ARHGAP10: variants seen among roughly 807,000 people sequenced by gnomAD.
ARHGAP10 encodes the protein Rho GTPase activating protein 10, also known as rho GTPase-activating protein 10.
ARHGAP10 carries 87 observed loss-of-function variants against 108.6 expected under a neutral mutation model. The observed-to-expected ratio is 0.80, with a 90% CI of 0.67 to 0.96. ARHGAP10 has a LOEUF of 0.96. Ranked by LOEUF, ARHGAP10 falls within the 40% of genes least tolerant of loss-of-function variation. The pLI is 0.00. For synonymous variants in ARHGAP10, 347 were observed against 341.1 expected, an observed-to-expected ratio of 1.02 and a Z score of -0.19; for missense variants, 939 against 954.5, an observed-to-expected ratio of 0.98 and a Z score of 0.21.
At chr4:148,025,850 G>A (rs1741745706) in intron 19 of ARHGAP10, among the ~76,000 whole-genome samples, 1 of 151,960 alleles carries the variant, frequency 6.6e-6, no homozygotes, top group Admixed American at 6.5e-5. Context: ...GACTTCCCAT[G>A]TTAATCTAGT....
chr4:147,962,924 G>A (rs1032746035), intron 16 of ARHGAP10, among the ~76,000 whole-genome samples: 2 of 152,118 alleles, frequency 1.3e-5, no homozygotes, highest in African/African-American at 4.8e-5. Flanking sequence ...GCCTCCCAAA[G>A]TGCTGGGATT....
At chr4:148,068,704 A>C (rs1730013784) in intron 22 of ARHGAP10, among the ~76,000 whole-genome samples, 1 of 152,232 alleles carries the variant, frequency 6.6e-6, no homozygotes, top group African/African-American at 2.4e-5. Flanking sequence ...GGGAGATAGG[A>C]CAGAGCCCAG....
intron 12 of ARHGAP10, among the ~76,000 whole-genome samples, chr4:147,912,010 TGTGTGTGTGTG>T (rs1736762918): frequency 6.8e-6 from 1 of 147,842 alleles, no homozygotes; most frequent in Non-Finnish European, 1.5e-5. Context: ...TGTGTGTGTG[TGTGTGTGTGTG>T]TGTGTGTGTG....
intron 3 of ARHGAP10, among the ~76,000 whole-genome samples, chr4:147,829,441 G>A (rs1373568605): frequency 2.6e-5 from 4 of 151,942 alleles, no homozygotes; most frequent in South Asian, 2.1e-4. Context: ...CACCCGCCTC[G>A]ATCTCTGAAA....
At chr4:148,068,099 G>A (rs1729979291) in intron 22 of ARHGAP10, among the ~76,000 whole-genome samples, 1 of 152,080 alleles carries the variant, frequency 6.6e-6, no homozygotes, top group Non-Finnish European at 1.5e-5. Context: ...CTGGAAATAG[G>A]TTTTGCTGGT....
intron 20 of ARHGAP10, among the ~76,000 whole-genome samples, chr4:148,052,742 C>T (rs929995871): frequency 1.1e-4 from 17 of 152,038 alleles, no homozygotes; most frequent in Admixed American, 7.2e-4. Flanking sequence ...TGTTACCATA[C>T]CTAAGTAAAC....
intron 18 of ARHGAP10, among the ~76,000 whole-genome samples, chr4:147,982,785 C>T (rs1481184836): frequency 1.3e-5 from 2 of 151,964 alleles, no homozygotes; most frequent in Non-Finnish European, 2.9e-5. Flanking sequence ...GTTTTCCAAG[C>T]TGCTTATTTT....
Position 147,980,393 on chromosome 4 carries a change from G to C in ARHGAP10, c.1716+13554G>C, listed in dbSNP as rs538360905. Among the ~76,000 whole-genome samples, 126 of 152,282 alleles carry C rather than the reference G, an allele frequency of 8.3e-4. 3 individuals are homozygous for C. In the South Asian group the frequency reaches 0.025, roughly 30 times the overall value. ...TACATCCCAGGAATAAAGCCTACTT[G>C]ATCATGGCAAATTAACTTTCTGATA... On this transcript the variant is annotated intron_variant, in intron 18 of 22. Transcript: ENST00000336498.
At chr4:147,769,286 G>A (rs565135393) in intron 1 of ARHGAP10, among the ~76,000 whole-genome samples, 29 of 152,222 alleles carry the variant, frequency 1.9e-4, no homozygotes, top group African/African-American at 6.5e-4. Flanking sequence ...AAGGTAATTA[G>A]GGAAATTACT....
intron 22 of ARHGAP10, among the ~76,000 whole-genome samples, chr4:148,070,587 C>CT (rs1339334661): frequency 2.0e-5 from 3 of 152,128 alleles, no homozygotes; most frequent in Non-Finnish European, 4.4e-5. Flanking sequence ...AAGAATAATA[C>CT]TTTTCTACAC....
At chr4:147,884,186 T>C (rs983187385) in intron 10 of ARHGAP10, among the ~76,000 whole-genome samples, 2 of 152,260 alleles carry the variant, frequency 1.3e-5, no homozygotes, top group African/African-American at 2.4e-5. Context: ...CCAGAGTCTC[T>C]GGTTTTCTCT....
At chr4:147,749,406 TCTC>T (rs1440702125) in intron 1 of ARHGAP10, among the ~76,000 whole-genome samples, 2 of 152,242 alleles carry the variant, frequency 1.3e-5, no homozygotes, top group African/African-American at 4.8e-5. Context: ...CACTGATAGT[TCTC>T]CTATTTATTT....
chr4:147,806,566 T>G (rs553423136), intron 1 of ARHGAP10, among the ~76,000 whole-genome samples: 2 of 152,228 alleles, frequency 1.3e-5, no homozygotes, highest in East Asian at 3.9e-4. Flanking sequence ...ATAAGGAGTT[T>G]GCTGCTTTCA....
intron 20 of ARHGAP10, among the ~76,000 whole-genome samples, chr4:148,059,939 C>T (rs1348063393): frequency 4.6e-5 from 7 of 151,568 alleles, no homozygotes; most frequent in Admixed American, 2.6e-4. Context: ...GCTTAGAAAA[C>T]CCAGATCTTT....
chr4:147,876,876 T>C (rs1331588678), intron 8 of ARHGAP10, among the ~76,000 whole-genome samples: 3 of 152,212 alleles, frequency 2.0e-5, no homozygotes, highest in Non-Finnish European at 4.4e-5. Context: ...CTGTTGCCCA[T>C]TTATAAATGA....
chr4:147,798,783 A>C (rs6811234), intron 1 of ARHGAP10, among the ~76,000 whole-genome samples: 149 of 4,054 alleles, frequency 0.037, no homozygotes, highest in East Asian at 0.077. Context: ...CTCTCTCTCT[A>C]TATATATATA....
intron 1 of ARHGAP10, among the ~76,000 whole-genome samples, chr4:147,741,465 A>G (rs1560733586): frequency 6.6e-6 from 1 of 152,148 alleles, no homozygotes; most frequent in African/African-American, 2.4e-5. Context: ...TTAGAAAGAG[A>G]AAAATGATGT....
intron 1 of ARHGAP10, among the ~76,000 whole-genome samples, chr4:147,772,429 G>A (rs1730120903): frequency 6.6e-6 from 1 of 152,192 alleles, no homozygotes; most frequent in African/African-American, 2.4e-5. Flanking sequence ...ACAGACAGAT[G>A]GGAAGTTTAG....
rs540740452 is a variant in ARHGAP10 at position 148,010,679 on chromosome 4, T to A, written c.1717-12584T>A. 5.3e-5 allele frequency among the ~76,000 whole-genome samples: 8 copies of A among 152,302 alleles called. No homozygotes were observed. In the South Asian group the frequency reaches 1.5e-3, roughly 28 times the overall value. On this transcript the variant is annotated intron_variant, in intron 18 of 22. Transcript: ENST00000336498. ...AGGAAATTTGACATGGTCACAATAC[T>A]GTTATCTATATATCATGACTCTAAT... is the stretch of plus-strand genomic sequence containing the variant.
Sources: gnomAD v4.1 joint callset for allele counts (sites outside exome capture counted in the v4.1 genomes callset) on GRCh38, gnomAD v4.1.1 for gene constraint, MANE v1.5 for transcripts, NCBI Gene and HGNC (gene_info 2026-07-23, HGNC 2026-07-21) for gene names.